Variants in AQR observed in about 807,000 individuals in gnomAD.
The protein encoded by AQR is aquarius intron-binding spliceosomal factor, also known as RNA helicase aquarius.
AQR carries 61 observed loss-of-function variants against 180.5 expected under a neutral mutation model. The observed-to-expected ratio is 0.34, with a 90% CI of 0.28 to 0.42. The LOEUF (loss-of-function observed/expected upper bound fraction) is 0.42, where lower values mean the gene tolerates loss of function less well. Ranked by LOEUF, AQR falls within the 10% of genes least tolerant of loss-of-function variation. The probability of loss-of-function intolerance (pLI) is 1.00; values close to 1 mark genes in which losing one functional copy is unlikely to be tolerated. For missense variants in AQR, 1,281 were observed against 1,798.3 expected (o/e 0.71, Z 5.20); for synonymous variants, 551 against 588.8 (o/e 0.94, Z 0.93).
intron 18 of AQR, among the ~76,000 whole-genome samples, chr15:34,904,801 G>A (rs1893386011): frequency 6.6e-6 from 1 of 151,948 alleles, no homozygotes; most frequent in Admixed American, 6.6e-5. Flanking sequence ...GGAGTACTTA[G>A]AAGTCAAAGA....
At chr15:34,888,228 A>G (rs547529010) in intron 24 of AQR, among the ~76,000 whole-genome samples, 1 of 151,284 alleles carries the variant, frequency 6.6e-6, no homozygotes, top group East Asian at 2.0e-4. Context: ...AACCCAGGAG[A>G]CAGAGTTTAC....
chr15:34,950,084 C>CTTTTTTTTTT (rs1174370425), intron 4 of AQR, among the ~76,000 whole-genome samples: 28 of 74,088 alleles, frequency 3.8e-4, no homozygotes, highest in Admixed American at 6.8e-4. Context: ...TGCTATTTTC[C>CTTTTTTTTTT]TTTTTTTTTT....
intron 31 of AQR, chr15:34,868,715 T>C (rs571548044): frequency 6.6e-6 from 1 of 152,184 alleles, no homozygotes; most frequent in East Asian, 1.9e-4. Context: ...TCACTACAGA[T>C]TATTTTTTGC....
At chr15:34,937,883 CAA>C (rs201185376) in intron 9 of AQR, among the ~76,000 whole-genome samples, 1 of 145,582 alleles carries the variant, frequency 6.9e-6, no homozygotes. Context: ...CACTCTGTCT[CAA>C]AAAAAAATAA....
chr15:34,863,130 T>C (rs1314005881), intron 32 of AQR, 89 bp from the exon 33 acceptor site: 3 of 1,235,392 alleles, frequency 2.4e-6, no homozygotes, highest in African/African-American at 3.1e-5. Context: ...CATTAGATAG[T>C]CCTGTTAAGC....
chr15:34,862,451 A>C (rs1892682301), intron 33 of AQR, among the ~76,000 whole-genome samples: 1 of 152,194 alleles, frequency 6.6e-6, no homozygotes, highest in African/African-American at 2.4e-5. Flanking sequence ...ATAATCTAAT[A>C]ACCTAATAGG....
At chr15:34,882,133 T>C (rs1213063652) in intron 27 of AQR, among the ~76,000 whole-genome samples, 1 of 152,154 alleles carries the variant, frequency 6.6e-6, no homozygotes, top group Non-Finnish European at 1.5e-5. Flanking sequence ...GTTCTTTTTA[T>C]AGCTTTTACT....
At chr15:34,917,898 C>T (rs552674377) in intron 15 of AQR, among the ~76,000 whole-genome samples, 51 of 151,152 alleles carry the variant, frequency 3.4e-4, no homozygotes, top group African/African-American at 1.1e-3. Context: ...GTGGGAGGAT[C>T]ACTTGAGCCC....
At chr15:34,857,127 A>C in intron 34 of AQR, 21 bp from the exon 35 acceptor site, 15 of 1,510,480 alleles carry the variant, frequency 9.9e-6, no homozygotes, top group Non-Finnish European at 1.3e-5. Context: ...AAAAAAAAAC[A>C]AAGACAATAC....
chr15:34,932,187 T>C, intron 11 of AQR, 131 bp downstream of exon 11: 1 of 671,120 alleles, frequency 1.5e-6, no homozygotes, highest in South Asian at 2.0e-5. Context: ...TACATTCATT[T>C]TATATATTAA....
chr15:34,876,038 GC>G (rs1566980294), intron 27 of AQR, 32 bp from the exon 28 acceptor site: 1 of 1,542,694 alleles, frequency 6.5e-7, no homozygotes, highest in Non-Finnish European at 8.9e-7. Context: ...CATAAAGACA[GC>G]TTAAAAGTCA....
intron 34 of AQR, among the ~76,000 whole-genome samples, chr15:34,859,727 G>T (rs1430223717): frequency 6.6e-6 from 1 of 152,150 alleles, no homozygotes; most frequent in Non-Finnish European, 1.5e-5. Context: ...GGCAAGGAGG[G>T]ATTACAAATG....
At position 34,934,584 on chromosome 15, in the gene AQR, A is replaced by G. The variant is rs758980359; in HGVS notation, c.770T>C (p.Met257Thr). The change falls in exon 10 of 35, where the codon ATG becomes ACG. Residue 257 changes from methionine (M) to threonine (T), a missense_variant. Around this residue, in one of 9 missense-constraint regions of AQR, gnomAD observed 404 missense variants for 490.9 expected, o/e 0.82. Coordinates refer to ENST00000156471, the MANE Select transcript of AQR (RefSeq NM_014691.3). ...VHYCERFIELMIDLEALLPTR... is the reference protein window; with the variant it reads ...VHYCERFIELTIDLEALLPTR... ...TAGATTTCTTACCTCTAGATCAATCATAAGTTCAATGAATCTTTCACAGTA... is the reference window on the plus strand; with the variant it reads ...TAGATTTCTTACCTCTAGATCAATCGTAAGTTCAATGAATCTTTCACAGTA... The G allele has an allele frequency of 3.1e-6, 5 of 1,594,576 alleles. No homozygotes were observed. The highest frequency in any genetic ancestry group is 1.1e-5 in the South Asian group (1 of 87,394).
intron 4 of AQR, among the ~76,000 whole-genome samples, chr15:34,952,058 AT>A (rs1894242629): frequency 6.6e-6 from 1 of 152,226 alleles, no homozygotes; most frequent in African/African-American, 2.4e-5. Flanking sequence ...CGATAAGACC[AT>A]CTACTTCATG....
rs1892564054 is a variant in AQR at position 34,854,739 on chromosome 15, G to GA, written c.*2052dup. On this transcript the variant is annotated 3_prime_UTR_variant, in exon 35 of 35. Transcript: ENST00000156471. ...AGTGATAGAAAAACCAAGCAGCAAA[G>GA]AAAAAAGTATGGTCACTCATCTAGG... 1 of 152,100 alleles carries GA rather than the reference G, an allele frequency of 6.6e-6. No individual in the cohort carries two copies. The allele number at this position is 152,100 out of a possible 1,614,324, so 9.4% of individuals were successfully genotyped here. A position where few individuals can be genotyped will look rare whatever the true frequency, so the allele number is the denominator to read the frequency against.
intron 33 of AQR, among the ~76,000 whole-genome samples, chr15:34,860,563 G>A (rs542128755): frequency 6.6e-6 from 1 of 152,224 alleles, no homozygotes; most frequent in East Asian, 1.9e-4. Context: ...AAAAGAATTA[G>A]TACAAGATAA....
intron 17 of AQR, among the ~76,000 whole-genome samples, chr15:34,907,325 T>C (rs1367469507): frequency 6.6e-6 from 1 of 152,246 alleles, no homozygotes; most frequent in Non-Finnish European, 1.5e-5. Flanking sequence ...CACAGCTTCT[T>C]GGTCACTAGA....
intron 18 of AQR, among the ~76,000 whole-genome samples, chr15:34,905,058 G>C (rs1287562745): frequency 7.7e-6 from 1 of 130,016 alleles, no homozygotes; most frequent in East Asian, 2.7e-4. Flanking sequence ...TGAAAGCCCA[G>C]AGCCTTTTCT....
rs370483481 is a variant in AQR at position 34,910,118 on chromosome 15, T to C, written c.1663+17A>G. ...ACAAGGCAAAAGGTAATGTCACTTT[T>C]TGAAATACAAACTTACCTTCCCATT... is the stretch of plus-strand genomic sequence containing the variant. On this transcript the variant is annotated intron_variant, in intron 17 of 34. Transcript: ENST00000156471. The C allele has an allele frequency of 8.1e-6, 13 of 1,612,904 alleles. No homozygotes were observed. The highest frequency in any genetic ancestry group is 1.0e-5 in the Non-Finnish European group (12 of 1,179,014).
Sources: gnomAD v4.1 joint callset for allele counts (sites outside exome capture counted in the v4.1 genomes callset) on GRCh38, gnomAD v4.1.1 for gene constraint, gnomAD v4.1.1 regional missense constraint, MANE v1.5 for transcripts, NCBI Gene and HGNC (gene_info 2026-07-23, HGNC 2026-07-21) for gene names.